The following CRIM1 variants were observed in gnomAD, a reference collection of about 807,000 sequenced individuals.
CRIM1 encodes the protein cysteine-rich motor neuron 1 protein.
Under a neutral mutation model 116.4 loss-of-function variants are expected in CRIM1, and 32 were observed. The observed-to-expected ratio is 0.27, with a 90% CI of 0.21 to 0.37. The LOEUF is 0.37. Ranked by LOEUF, CRIM1 falls within the 10% of genes least tolerant of loss-of-function variation. The pLI is 1.00. For missense variants in CRIM1, 1,331 were observed against 1,354.8 expected (o/e 0.98, Z 0.28); for synonymous variants, 590 against 509.2 (o/e 1.16, Z -2.13).
chr2:36,480,150 C>T (rs1679297290), intron 7 of CRIM1, among the ~76,000 whole-genome samples: 1 of 152,186 alleles, frequency 6.6e-6, no homozygotes, highest in South Asian at 2.1e-4. Flanking sequence ...CACCGAGTAT[C>T]TGTTCTACTT....
intron 10 of CRIM1, 53 bp from the exon 11 acceptor site, chr2:36,513,503 G>A (rs1664828225): frequency 1.4e-6 from 2 of 1,470,686 alleles, no homozygotes; most frequent in Non-Finnish European, 1.9e-6. Context: ...TCTGTAGCCT[G>A]TTTCTCCTGT....
intron 8 of CRIM1, among the ~76,000 whole-genome samples, chr2:36,500,223 C>T (rs1334720492): frequency 6.6e-6 from 1 of 152,054 alleles, no homozygotes; most frequent in Non-Finnish European, 1.5e-5. Flanking sequence ...CCCAGCTACT[C>T]GGGAGGCTGA....
chr2:36,496,718 G>A (rs1336669898), intron 7 of CRIM1, among the ~76,000 whole-genome samples: 1 of 152,162 alleles, frequency 6.6e-6, no homozygotes, highest in African/African-American at 2.4e-5. Flanking sequence ...ATGTGTGTTA[G>A]ATGTACATCT....
rs76138664 is a variant in CRIM1 at position 36,520,323 on chromosome 2, C to G, written c.2207-1769C>G. On this transcript the variant is annotated intron_variant, in intron 12 of 16. Coordinates refer to ENST00000280527, the MANE Select transcript of CRIM1 (RefSeq NM_016441.3). ...GTTTTTAGACAGAGGTTGGGCAATG[C>G]TTGCATGAGCTAAGTTAACGTAAGT... Among the ~76,000 whole-genome samples the G allele has an allele frequency of 1.4e-4, 22 of 152,328 alleles. No homozygotes were observed. The East Asian group carries it at 4.0e-3, about 28-fold the overall frequency.
intron 7 of CRIM1, among the ~76,000 whole-genome samples, chr2:36,480,508 A>G (rs191114392): frequency 2.8e-4 from 42 of 152,334 alleles, no homozygotes; most frequent in Admixed American, 2.5e-3. Flanking sequence ...TTGAAGATGG[A>G]TCTTTCTAGA....
At chr2:36,422,141 C>T (rs185840997) in intron 2 of CRIM1, among the ~76,000 whole-genome samples, 1 of 150,618 alleles carries the variant, frequency 6.6e-6, no homozygotes, top group Admixed American at 6.7e-5. Context: ...CCTTAGGTGA[C>T]TTTGAAGAAC....
chr2:36,494,278 A>G (rs1680431181), intron 7 of CRIM1, among the ~76,000 whole-genome samples: 2 of 152,226 alleles, frequency 1.3e-5, no homozygotes, highest in Admixed American at 6.5e-5. Context: ...AATATAAAAT[A>G]CCGATGGTGT....
chr2:36,478,487 T>G (rs983949272), intron 6 of CRIM1, among the ~76,000 whole-genome samples: 1 of 152,234 alleles, frequency 6.6e-6, no homozygotes, highest in African/African-American at 2.4e-5. Flanking sequence ...TAGAAAAATA[T>G]GTATTCTAAT....
At chr2:36,462,837 A>T (rs1385810922) in intron 4 of CRIM1, among the ~76,000 whole-genome samples, 1 of 152,212 alleles carries the variant, frequency 6.6e-6, no homozygotes, top group Non-Finnish European at 1.5e-5. Flanking sequence ...CAGCAGTATG[A>T]TTATGTGCTT....
At chr2:36,522,458 A>G in intron 13 of CRIM1, 145 bp downstream of exon 13, 1 of 649,566 alleles carries the variant, frequency 1.5e-6, no homozygotes, top group Non-Finnish European at 2.7e-6. Context: ...AGCAACACTG[A>G]GCAGAAGAAA....
chr2:36,428,437 C>CT (rs1336218535), intron 2 of CRIM1, among the ~76,000 whole-genome samples: 2 of 152,192 alleles, frequency 1.3e-5, no homozygotes, highest in African/African-American at 4.8e-5. Context: ...TCTAATTCAT[C>CT]TTTTTTGTAG....
chr2:36,431,332 C>T (rs1199397007), intron 2 of CRIM1, among the ~76,000 whole-genome samples: 1 of 152,124 alleles, frequency 6.6e-6, no homozygotes, highest in Non-Finnish European at 1.5e-5. Context: ...TTCTTTTACT[C>T]TCCAAGGCAG....
intron 4 of CRIM1, among the ~76,000 whole-genome samples, chr2:36,460,631 T>C (rs1267889040): frequency 6.6e-6 from 1 of 152,262 alleles, no homozygotes; most frequent in Non-Finnish European, 1.5e-5. Flanking sequence ...GTGGCCTTTA[T>C]GAATTCACAG....
chr2:36,545,500 C>A (rs955263566), intron 15 of CRIM1, among the ~76,000 whole-genome samples: 1 of 151,982 alleles, frequency 6.6e-6, no homozygotes, highest in Non-Finnish European at 1.5e-5. Context: ...GTTATAAAGC[C>A]CCTAAAGAGA....
At chr2:36,439,169 G>A (rs1216871440) in intron 2 of CRIM1, among the ~76,000 whole-genome samples, 1 of 152,160 alleles carries the variant, frequency 6.6e-6, no homozygotes, top group African/African-American at 2.4e-5. Flanking sequence ...TAGTCATAAG[G>A]TAGGTGGCAG....
rs1667704597 is a variant in CRIM1, at chr2:36,550,628, G to GA, written c.*1932dup. On this transcript the variant is annotated 3_prime_UTR_variant, in exon 17 of 17. Transcript: ENST00000280527. ...TGTCTTAGAATATCAAAAAGAAAAA[G>GA]AAAAAGGTGTTCTAGCTGTTTGCAT... The GA allele has an allele frequency of 1.3e-5, 2 of 152,208 alleles. No homozygotes were observed. Among genetic ancestry groups the GA allele is most frequent in the South Asian group, 4.2e-4 (2 of 4,814 alleles). The allele number at this position is 152,208 out of a possible 1,614,324, so 9.4% of individuals were successfully genotyped here.
intron 5 of CRIM1, among the ~76,000 whole-genome samples, chr2:36,471,612 T>A (rs912788456): frequency 2.0e-5 from 3 of 152,186 alleles, no homozygotes; most frequent in Non-Finnish European, 4.4e-5. Flanking sequence ...GTATACTTAA[T>A]AGACTATAGC....
chr2:36,518,874 A>G (rs1207352975), intron 12 of CRIM1, among the ~76,000 whole-genome samples: 1 of 152,200 alleles, frequency 6.6e-6, no homozygotes, highest in African/African-American at 2.4e-5. Context: ...TTAGCTATTT[A>G]GTTTACAAAT....
intron 7 of CRIM1, among the ~76,000 whole-genome samples, chr2:36,486,520 AT>A (rs1193048393): frequency 6.6e-6 from 1 of 152,154 alleles, no homozygotes; most frequent in Non-Finnish European, 1.5e-5. Flanking sequence ...AATGTTCAGA[AT>A]TGTTGAGAGC....
Sources: gnomAD v4.1 joint callset for allele counts (sites outside exome capture counted in the v4.1 genomes callset) on GRCh38, gnomAD v4.1.1 for gene constraint, MANE v1.5 for transcripts, NCBI Gene and HGNC (gene_info 2026-07-23, HGNC 2026-07-21) for gene names.